Variants in MACROD1 observed in about 807,000 individuals in gnomAD.
MACROD1 encodes the protein ADP-ribose glycohydrolase MACROD1.
In MACROD1, 31 loss-of-function variants were observed where a neutral mutation model predicts 41.4. The observed-to-expected ratio is 0.75, with a 90% CI of 0.56 to 1.01. The LOEUF (loss-of-function observed/expected upper bound fraction) is 1.01. Among genes scored for constraint, MACROD1 ranks in the 50% least tolerant of loss-of-function variants. The pLI is 0.00. For synonymous variants in MACROD1, 252 were observed against 203.4 expected (o/e 1.24, Z -2.03); for missense variants, 473 against 460.0 (o/e 1.03, Z -0.26).
At position 64,146,012 on chromosome 11, in the gene MACROD1, C is replaced by T. The variant is rs549639856; in HGVS notation, c.517+5227G>A. 2.6e-4 allele frequency among the ~76,000 whole-genome samples: 39 copies of T among 151,994 alleles called. No homozygotes were observed. Among genetic ancestry groups the T allele is most frequent in the African/African-American group, 6.8e-4 (28 of 41,430 alleles). The stretch of plus-strand genomic sequence containing the variant: ...CTCAAACTCCTGACCTCAAGCGATC[C>T]GCCCGCCTCGGCCTCCCAAAGTGCT... On this transcript the variant is annotated intron_variant, in intron 3 of 10. Transcript: ENST00000255681. The surrounding 1 kb of genome is among the most constrained non-coding windows in gnomAD (Gnocchi z 4.7).
At chr11:64,111,857 C>A (rs1944869298) in intron 3 of MACROD1, among the ~76,000 whole-genome samples, 1 of 152,170 alleles carries the variant, frequency 6.6e-6, no homozygotes, top group African/African-American at 2.4e-5. Flanking sequence ...CTGGGATGGC[C>A]CTGGGCAAAG....
In MACROD1 at chr11:64,158,128, A is replaced by G. The variant is rs557543014; in HGVS notation, c.299-5735T>C. Reference sequence around the variant, plus strand: ...CAGATAAGCCATCCACTCTGGATGAAATCCCACGGGGGCTGAAATTAGCCC... The same window carrying G: ...CAGATAAGCCATCCACTCTGGATGAGATCCCACGGGGGCTGAAATTAGCCC... On this transcript the variant is annotated intron_variant, in intron 1 of 10. Coordinates refer to ENST00000255681, the MANE Select transcript of MACROD1 (RefSeq NM_014067.4). Among the ~76,000 whole-genome samples, 7 of 152,302 alleles carry G rather than the reference A, an allele frequency of 4.6e-5. No homozygotes were observed. The East Asian group carries it at 1.2e-3, about 25-fold the overall frequency.
chr11:64,000,538 A>G (rs1423942266), intron 4 of MACROD1, among the ~76,000 whole-genome samples, 195 bp from the exon 5 acceptor site: 1 of 150,316 alleles, frequency 6.7e-6, no homozygotes, highest in East Asian at 2.0e-4. Context: ...CGAGGCGCAG[A>G]GCGGGACGGC....
chr11:64,048,596 T>C (rs1406087936), intron 3 of MACROD1, among the ~76,000 whole-genome samples: 1 of 152,216 alleles, frequency 6.6e-6, no homozygotes. Context: ...CAGCAGGGGC[T>C]GCAGCCCCAG....
intron 3 of MACROD1, chr11:64,138,378 G>A (rs1204425115): frequency 2.2e-6 from 1 of 454,192 alleles, no homozygotes; most frequent in Non-Finnish European, 2.9e-6. Flanking sequence ...TGCCAGAGGG[G>A]ATTTAGCTCC....
intron 3 of MACROD1, among the ~76,000 whole-genome samples, chr11:64,134,142 C>A (rs1945301742): frequency 6.6e-6 from 1 of 152,208 alleles, no homozygotes. Flanking sequence ...GCCATCAGGG[C>A]AAGAAGGCTG....
intron 3 of MACROD1, among the ~76,000 whole-genome samples, chr11:64,047,464 C>T (rs964352474): frequency 6.6e-6 from 1 of 152,168 alleles, no homozygotes; most frequent in African/African-American, 2.4e-5. Context: ...AGCCGTAAAG[C>T]AGGTGGAGGA....
At chr11:64,150,972 A>G in intron 3 of MACROD1, among the ~76,000 whole-genome samples, 1 of 152,162 alleles carries the variant, frequency 6.6e-6, no homozygotes, top group East Asian at 1.9e-4. Context: ...CTGGCAGGGC[A>G]GCCCAGTTTC....
At chr11:64,148,137 T>C (rs1945522391) in intron 3 of MACROD1, among the ~76,000 whole-genome samples, 1 of 152,000 alleles carries the variant, frequency 6.6e-6, no homozygotes, top group Admixed American at 6.6e-5. Context: ...ACCTGGCAAC[T>C]GCCCTCTCCA....
chr11:64,156,616 C>T (rs1393623805), intron 1 of MACROD1, among the ~76,000 whole-genome samples: 1 of 152,196 alleles, frequency 6.6e-6, no homozygotes, highest in Non-Finnish European at 1.5e-5. Flanking sequence ...CCCAGTCACA[C>T]ATAAGCGAGA....
chr11:64,043,828 T>TA (rs1555012543), intron 3 of MACROD1, among the ~76,000 whole-genome samples: 4 of 151,498 alleles, frequency 2.6e-5, no homozygotes, highest in African/African-American at 7.3e-5. Flanking sequence ...TTTTTTTTTT[T>TA]ATGACGGAGT....
chr11:64,030,885 TAA>T (rs35687023), intron 3 of MACROD1, among the ~76,000 whole-genome samples: 3 of 141,736 alleles, frequency 2.1e-5, no homozygotes, highest in Admixed American at 7.0e-5. Flanking sequence ...TCCTGTCTCT[TAA>T]AAAAAAAAAA....
chr11:64,041,374 T>C (rs1303547302), intron 3 of MACROD1, among the ~76,000 whole-genome samples: 2 of 151,798 alleles, frequency 1.3e-5, no homozygotes, highest in Non-Finnish European at 2.9e-5. Context: ...TGGGAAATGC[T>C]GCTCGGGAAA....
chr11:64,106,645 G>A (rs1377294388), intron 3 of MACROD1, among the ~76,000 whole-genome samples: 4 of 152,138 alleles, frequency 2.6e-5, no homozygotes, highest in Admixed American at 2.0e-4. Flanking sequence ...AGTGAGTGTT[G>A]CCCATCACCA....
At chr11:64,131,302 G>A (rs1447987220) in intron 3 of MACROD1, among the ~76,000 whole-genome samples, 3 of 152,180 alleles carry the variant, frequency 2.0e-5, no homozygotes, top group African/African-American at 4.8e-5. Context: ...CCCCACCCAC[G>A]TGTGGGGGCT....
chr11:64,136,396 T>G (rs1287653865), intron 3 of MACROD1, among the ~76,000 whole-genome samples: 1 of 152,196 alleles, frequency 6.6e-6, no homozygotes, highest in African/African-American at 2.4e-5. Flanking sequence ...GAAGTGGGAC[T>G]CATAGCCGCC....
At chr11:64,130,917 T>G (rs1565251766) in intron 3 of MACROD1, among the ~76,000 whole-genome samples, 1 of 152,216 alleles carries the variant, frequency 6.6e-6, no homozygotes, top group Non-Finnish European at 1.5e-5. Flanking sequence ...CTGCCAAGCC[T>G]GGGACGAGAT....
chr11:64,066,956 C>T (rs527852046), intron 3 of MACROD1, among the ~76,000 whole-genome samples: 9 of 152,302 alleles, frequency 5.9e-5, no homozygotes, highest in Admixed American at 3.9e-4. Context: ...CAGTGCGCTA[C>T]GGAGGGTCAC....
chr11:64,078,566 G>A (rs1482284160), intron 3 of MACROD1, among the ~76,000 whole-genome samples: 4 of 152,196 alleles, frequency 2.6e-5, no homozygotes, highest in Non-Finnish European at 5.9e-5. Flanking sequence ...GTGTGAGCGC[G>A]GCCCTGTGCC....
Sources: allele counts gnomAD v4.1 joint callset (sites outside exome capture counted in the v4.1 genomes callset), GRCh38; gene constraint gnomAD v4.1.1; non-coding constraint Gnocchi (gnomAD v3.1); transcripts MANE v1.5; gene names NCBI Gene and HGNC (gene_info 2026-07-23, HGNC 2026-07-21).